DPP10: variants seen among roughly 807,000 people sequenced by gnomAD.
DPP10 encodes the protein dipeptidyl peptidase like 10, also known as inactive dipeptidyl peptidase 10.
In DPP10, 33 loss-of-function variants were observed where a neutral mutation model predicts 120.9. The observed-to-expected ratio is 0.27, with a 90% CI of 0.21 to 0.37. DPP10 has a LOEUF of 0.37. Among genes scored for constraint, DPP10 ranks in the 10% least tolerant of loss-of-function variants. The pLI, the probability that DPP10 is intolerant of heterozygous loss-of-function variation, is 1.00. For missense variants in DPP10, 816 were observed against 942.8 expected (o/e 0.87, Z 1.76); for synonymous variants, 337 against 326.1 (o/e 1.03, Z -0.36).
chr2:115,325,073 T>C lies in DPP10; in HGVS notation c.175+15720T>C, dbSNP rs373551489. ...TGATCACAGATCACCGTAACAGATATAATAATAATAAAGTATGAAAAATTG... is the reference window on the plus strand; with the variant it reads ...TGATCACAGATCACCGTAACAGATACAATAATAATAAAGTATGAAAAATTG... On this transcript the variant is annotated intron_variant, in intron 2 of 25. Transcript: ENST00000410059. Among the ~76,000 whole-genome samples the C allele has an allele frequency of 1.4e-4, 21 of 150,138 alleles. No individual in the cohort carries two copies. In the South Asian group the frequency reaches 4.4e-3, roughly 31 times the overall value.
At chr2:115,071,944 G>C (rs1344345817) in intron 1 of DPP10, among the ~76,000 whole-genome samples, 1 of 152,068 alleles carries the variant, frequency 6.6e-6, no homozygotes, top group South Asian at 2.1e-4. Context: ...GAAATGAATG[G>C]CTTGAAAGAA....
intron 1 of DPP10, among the ~76,000 whole-genome samples, chr2:114,481,073 G>C (rs1276398062): frequency 4.6e-5 from 7 of 151,530 alleles, no homozygotes; most frequent in Admixed American, 2.0e-4. Context: ...TGAGACAAAT[G>C]GTTTTTAGAT....
chr2:115,130,567 A>G (rs1281973498), intron 1 of DPP10, among the ~76,000 whole-genome samples: 1 of 149,754 alleles, frequency 6.7e-6, no homozygotes, highest in East Asian at 1.9e-4. Context: ...TCTTTTTTTA[A>G]TCTCTCTATA....
intron 1 of DPP10, among the ~76,000 whole-genome samples, chr2:115,276,060 G>A (rs1214106246): frequency 6.6e-6 from 1 of 152,210 alleles, no homozygotes; most frequent in African/African-American, 2.4e-5. Flanking sequence ...TCACCCAGAA[G>A]TGAATTACAT....
chr2:114,878,125 AG>A (rs1691307051), intron 1 of DPP10, among the ~76,000 whole-genome samples: 1 of 152,132 alleles, frequency 6.6e-6, no homozygotes, highest in South Asian at 2.1e-4. Flanking sequence ...ACTTCAGAAT[AG>A]GAAACATCAA....
At chr2:115,282,504 T>G (rs1348810547) in intron 1 of DPP10, among the ~76,000 whole-genome samples, 1 of 152,138 alleles carries the variant, frequency 6.6e-6, no homozygotes, top group African/African-American at 2.4e-5. Context: ...ATATACTTCT[T>G]ACATTTTATA....
chr2:115,748,387 A>G (rs556964141), intron 10 of DPP10, among the ~76,000 whole-genome samples: 2 of 152,050 alleles, frequency 1.3e-5, no homozygotes, highest in Non-Finnish European at 2.9e-5. Flanking sequence ...CACCACACCT[A>G]AACCACAAAT....
intron 1 of DPP10, among the ~76,000 whole-genome samples, chr2:114,717,332 T>G (rs1393290034): frequency 6.6e-6 from 1 of 152,198 alleles, no homozygotes; most frequent in Non-Finnish European, 1.5e-5. Flanking sequence ...AGACTCTCAC[T>G]TAGACACAGA....
intron 4 of DPP10, among the ~76,000 whole-genome samples, chr2:115,513,543 G>A (rs965655335): frequency 2.2e-4 from 33 of 151,366 alleles, no homozygotes; most frequent in Middle Eastern, 3.6e-3. Context: ...TATTTTTTGT[G>A]TTATTTATTT....
At chr2:115,427,378 T>G (rs1433287237) in intron 3 of DPP10, among the ~76,000 whole-genome samples, 1 of 152,210 alleles carries the variant, frequency 6.6e-6, no homozygotes, top group East Asian at 1.9e-4. Context: ...TAACCCAGCC[T>G]CTCTCATACT....
At chr2:115,342,146 A>AT (rs1360047369) in intron 2 of DPP10, 2 of 454,960 alleles carry the variant, frequency 4.4e-6, no homozygotes, top group Admixed American at 4.7e-5. Flanking sequence ...CTTCAAACTC[A>AT]TTAAGCACTC....
At chr2:114,965,281 C>G (rs1010889222) in intron 1 of DPP10, among the ~76,000 whole-genome samples, 4 of 151,970 alleles carry the variant, frequency 2.6e-5, no homozygotes, top group African/African-American at 9.7e-5. Context: ...GGATTACAGG[C>G]GTGTGCCACC....
chr2:114,777,342 T>C (rs867371061), intron 1 of DPP10, among the ~76,000 whole-genome samples: 7 of 152,262 alleles, frequency 4.6e-5, no homozygotes, highest in Middle Eastern at 3.4e-3. Context: ...GATTTTGCAC[T>C]GTACAAATCA....
intron 3 of DPP10, among the ~76,000 whole-genome samples, chr2:115,469,885 A>G (rs757641069): frequency 0.041 from 4,220 of 103,730 alleles, 84 homozygotes; most frequent in Admixed American, 0.071. Flanking sequence ...GCAACAAGAG[A>G]AAAAAAAAAA....
At chr2:115,663,850 C>T (rs960602367) in intron 5 of DPP10, among the ~76,000 whole-genome samples, 15 of 151,956 alleles carry the variant, frequency 9.9e-5, no homozygotes, top group Non-Finnish European at 2.9e-5. Flanking sequence ...CAAAAATTAG[C>T]CGGGTGTGGT....
intron 1 of DPP10, among the ~76,000 whole-genome samples, chr2:115,066,328 C>A (rs147872320): frequency 1.9e-3 from 282 of 152,082 alleles, no homozygotes; most frequent in African/African-American, 6.5e-3. Flanking sequence ...TGTGTAGGCA[C>A]TTTATGCATA....
intron 1 of DPP10, among the ~76,000 whole-genome samples, chr2:114,577,952 A>C (rs1690192769): frequency 6.6e-6 from 1 of 152,174 alleles, no homozygotes; most frequent in Non-Finnish European, 1.5e-5. Context: ...ATTTTAACTA[A>C]TTGTATTAGT....
rs558831653 is a variant in DPP10, at chr2:115,478,068, T to C, written c.272-21442T>C. On this transcript the variant is annotated intron_variant, in intron 3 of 25. Coordinates refer to ENST00000410059, the MANE Select transcript of DPP10 (RefSeq NM_020868.6). ...GAGAACTCACTCATTACCAAAAGGA[T>C]GGCACTAAGCCATTCATGAGGGATC... Among the ~76,000 whole-genome samples the C allele has an allele frequency of 2.6e-5, 4 of 152,274 alleles. No homozygotes were observed. The South Asian group carries it at 8.3e-4, about 32-fold the overall frequency.
intron 1 of DPP10, among the ~76,000 whole-genome samples, chr2:115,048,177 A>G (rs1705207030): frequency 6.6e-6 from 1 of 152,030 alleles, no homozygotes; most frequent in African/African-American, 2.4e-5. Flanking sequence ...TGCTCCCAAC[A>G]TATGTAACCC....
Sources: allele counts gnomAD v4.1 joint callset (sites outside exome capture counted in the v4.1 genomes callset), GRCh38; gene constraint gnomAD v4.1.1; transcripts MANE v1.5; gene names NCBI Gene and HGNC (gene_info 2026-07-23, HGNC 2026-07-21).